The following STXBP5L variants were observed in gnomAD, a reference collection of about 807,000 sequenced individuals.
STXBP5L encodes syntaxin binding protein 5L, also known as syntaxin-binding protein 5-like.
In STXBP5L, 65 loss-of-function variants were observed where a neutral mutation model predicts 144.5. That is an observed-to-expected ratio of 0.45 (90% CI 0.37 to 0.55). The LOEUF (loss-of-function observed/expected upper bound fraction) is 0.55, where lower values mean the gene tolerates loss of function less well. STXBP5L is among the 20% of genes least tolerant of loss of function. STXBP5L has a pLI of 0.00. For missense variants in STXBP5L, 1,298 were observed against 1,405.5 expected, an observed-to-expected ratio of 0.92 and a Z score of 1.22; for synonymous variants, 505 against 469.6, an observed-to-expected ratio of 1.08 and a Z score of -0.97.
intron 20 of STXBP5L, among the ~76,000 whole-genome samples, chr3:121,333,635 G>A (rs72968086): frequency 6.6e-6 from 1 of 151,626 alleles, no homozygotes; most frequent in African/African-American, 2.4e-5. Flanking sequence ...GCTAACTAGG[G>A]TAATAAAGAG....
intron 10 of STXBP5L, among the ~76,000 whole-genome samples, chr3:121,209,678 C>T (rs1261259729): frequency 6.6e-6 from 1 of 151,786 alleles, no homozygotes; most frequent in Non-Finnish European, 1.5e-5. Context: ...TGAGAACATG[C>T]AGTGTTTGGT....
chr3:121,003,646 G>A (rs544547510), intron 3 of STXBP5L, among the ~76,000 whole-genome samples: 111 of 152,310 alleles, frequency 7.3e-4, no homozygotes, highest in Non-Finnish European at 7.6e-4. Context: ...GAACTGAATG[G>A]TATTGCCTAG....
intron 9 of STXBP5L, among the ~76,000 whole-genome samples, chr3:121,199,178 C>T (rs1370127944): frequency 2.0e-5 from 3 of 152,100 alleles, no homozygotes; most frequent in Non-Finnish European, 4.4e-5. Context: ...TTGTCATTCT[C>T]CTTGAAGAGG....
Position 121,419,185 on chromosome 3 carries a change from A to G in STXBP5L, c.*88A>G. The stretch of plus-strand genomic sequence containing the variant: ...CATCACTACTCAACTGCTAGAAGCC[A>G]GTTTCTTCTACAAAATGTTCCATTT... On this transcript the variant is annotated 3_prime_UTR_variant, in exon 27 of 27. Coordinates refer to ENST00000471454, the MANE Select transcript of STXBP5L (RefSeq NM_001308330.2). 1 of 1,256,072 alleles carries G rather than the reference A, an allele frequency of 8.0e-7. No individual in the cohort carries two copies. 77.8% of individuals were successfully genotyped at this position (1,256,072 alleles called of 1,614,324 possible). A position where few individuals can be genotyped will look rare whatever the true frequency, so the allele number is the denominator to read the frequency against.
intron 9 of STXBP5L, among the ~76,000 whole-genome samples, chr3:121,164,156 CT>C (rs2046419286): frequency 6.6e-6 from 1 of 152,116 alleles, no homozygotes; most frequent in Admixed American, 6.6e-5. Context: ...CTTTTTCTAT[CT>C]CTTTATAACT....
Position 121,265,356 on chromosome 3 carries a change from C to G in STXBP5L, c.1958+6188C>G, listed in dbSNP as rs1468263427. Among the ~76,000 whole-genome samples the G allele has an allele frequency of 2.0e-5, 3 of 152,290 alleles. No individual in the cohort carries two copies. In the East Asian group the frequency reaches 5.8e-4, roughly 29 times the overall value. ...ATGCAACTACATGGAAACTGAACAA[C>G]CTTTTCCTAAATGACTACTGGGTAA... is the stretch of plus-strand genomic sequence containing the variant. On this transcript the variant is annotated intron_variant, in intron 18 of 26. Transcript: ENST00000471454.
chr3:121,191,718 A>C (rs2108167894), intron 9 of STXBP5L, among the ~76,000 whole-genome samples: 1 of 152,270 alleles, frequency 6.6e-6, no homozygotes, highest in East Asian at 1.9e-4. Context: ...TCAGTGATAG[A>C]CTGGATTAAG....
chr3:120,939,716 C>A (rs1226482535), intron 2 of STXBP5L, among the ~76,000 whole-genome samples: 1 of 152,082 alleles, frequency 6.6e-6, no homozygotes, highest in Non-Finnish European at 1.5e-5. Flanking sequence ...AACATAACCC[C>A]ATTCTTGTTT....
intron 2 of STXBP5L, among the ~76,000 whole-genome samples, chr3:120,920,628 T>C: frequency 6.6e-6 from 1 of 151,782 alleles, no homozygotes; most frequent in East Asian, 1.9e-4. Flanking sequence ...TTTGTACCCA[T>C]TAATCAACTT....
chr3:120,985,014 T>C (rs183527238), intron 3 of STXBP5L, among the ~76,000 whole-genome samples: 1 of 152,264 alleles, frequency 6.6e-6, no homozygotes, highest in Admixed American at 6.5e-5. Context: ...TAAATCCCAC[T>C]TGGTCATGGT....
intron 2 of STXBP5L, among the ~76,000 whole-genome samples, chr3:120,930,097 T>C (rs1469923663): frequency 6.6e-6 from 1 of 151,912 alleles, no homozygotes; most frequent in Admixed American, 6.6e-5. Context: ...TCAAATCTAT[T>C]GACTTATCCT....
chr3:121,135,923 G>A (rs1030310635), intron 7 of STXBP5L, among the ~76,000 whole-genome samples: 3 of 152,112 alleles, frequency 2.0e-5, no homozygotes, highest in African/African-American at 7.2e-5. Context: ...CAGGCGGGCT[G>A]TAGCTACTGA....
At chr3:121,048,343 A>G (rs1487851293) in intron 5 of STXBP5L, among the ~76,000 whole-genome samples, 1 of 152,026 alleles carries the variant, frequency 6.6e-6, no homozygotes. Flanking sequence ...CTTTTTGTGT[A>G]GTATCTCACG....
chr3:120,990,534 A>C (rs544434247), intron 3 of STXBP5L, among the ~76,000 whole-genome samples: 213 of 152,342 alleles, frequency 1.4e-3, no homozygotes, highest in South Asian at 1.9e-3. Flanking sequence ...AGCTGGAGGC[A>C]TCACGCTACC....
intron 3 of STXBP5L, among the ~76,000 whole-genome samples, chr3:121,007,119 C>G (rs1411466682): frequency 6.6e-6 from 1 of 152,004 alleles, no homozygotes; most frequent in Non-Finnish European, 1.5e-5. Flanking sequence ...TGGGGAAGTT[C>G]TCCAGCTTTT....
chr3:121,076,858 G>A (rs1460096887), intron 5 of STXBP5L, among the ~76,000 whole-genome samples: 2 of 151,984 alleles, frequency 1.3e-5, no homozygotes, highest in African/African-American at 4.8e-5. Flanking sequence ...TTCACTTTTG[G>A]ATCCACCAGA....
intron 5 of STXBP5L, among the ~76,000 whole-genome samples, chr3:121,051,914 C>T (rs910793293): frequency 6.6e-5 from 10 of 151,956 alleles, no homozygotes; most frequent in South Asian, 6.2e-4. Flanking sequence ...ATATCACCAC[C>T]GATCCCACAG....
At chr3:121,362,438 C>T (rs1453272572) in intron 20 of STXBP5L, among the ~76,000 whole-genome samples, 2 of 152,178 alleles carry the variant, frequency 1.3e-5, no homozygotes, top group African/African-American at 2.4e-5. Flanking sequence ...GGCTGGCACT[C>T]AAAACACAAG....
At chr3:121,068,685 A>G (rs990077679) in intron 5 of STXBP5L, among the ~76,000 whole-genome samples, 1 of 152,054 alleles carries the variant, frequency 6.6e-6, no homozygotes, top group Non-Finnish European at 1.5e-5. Flanking sequence ...TTTAAACCCT[A>G]TAATACATTG....
Sources: gnomAD v4.1 joint callset for allele counts (sites outside exome capture counted in the v4.1 genomes callset) on GRCh38, gnomAD v4.1.1 for gene constraint, MANE v1.5 for transcripts, NCBI Gene and HGNC (gene_info 2026-07-23, HGNC 2026-07-21) for gene names.